Variants in CD247 observed in about 807,000 individuals in gnomAD.
CD247 encodes CD247 molecule.
In CD247, 13 loss-of-function variants were observed where a neutral mutation model predicts 30.0. The observed-to-expected ratio is 0.43, with a 90% confidence interval of 0.28 to 0.69. The LOEUF is 0.69. Ranked by LOEUF, CD247 falls within the 30% of genes least tolerant of loss-of-function variation. The pLI, the probability that CD247 is intolerant of heterozygous loss-of-function variation, is 0.16. For synonymous variants in CD247, 72 were observed against 80.0 expected (o/e 0.90, Z 0.53); for missense variants, 193 against 212.6 (o/e 0.91, Z 0.57).
At position 167,433,437 on chromosome 1, in the gene CD247, C is replaced by T. The variant is rs35719530; in HGVS notation, c.394-378G>A. On this transcript the variant is annotated intron_variant, in intron 6 of 7. Transcript: ENST00000362089. ...GACAACCAGCTGTTTTGAGCAGTTA[C>T]GAGCTCTGGCATAGTCAGTTCAATC... 7.9e-3 allele frequency among the ~76,000 whole-genome samples: 1,207 copies of T among 152,280 alleles called. 18 individuals carry two copies. The highest frequency in any genetic ancestry group is 0.027 in the African/African-American group (1,139 of 41,538).
intron 1 of CD247, among the ~76,000 whole-genome samples, chr1:167,496,022 T>C (rs540130779): frequency 3.9e-5 from 6 of 152,344 alleles, no homozygotes; most frequent in Admixed American, 2.6e-4. Context: ...GTTAGTTCTA[T>C]ATGGGATCTG....
At chr1:167,514,134 T>A (rs1655502576) in intron 1 of CD247, among the ~76,000 whole-genome samples, 1 of 151,574 alleles carries the variant, frequency 6.6e-6, no homozygotes, top group Non-Finnish European at 1.5e-5. Context: ...TCTTATTTTA[T>A]TTTATTTTAT....
chr1:167,481,645 G>T (rs1003521558), intron 1 of CD247, among the ~76,000 whole-genome samples: 2 of 152,128 alleles, frequency 1.3e-5, no homozygotes, highest in South Asian at 2.1e-4. Flanking sequence ...TAAGTTCATC[G>T]CACAATCCAG....
At chr1:167,453,874 G>A (rs35543902) in intron 1 of CD247, among the ~76,000 whole-genome samples, 2,271 of 152,232 alleles carry the variant, frequency 0.015, 31 homozygotes, top group South Asian at 0.028. Flanking sequence ...TTAGGTCGGA[G>A]GATCACCTGA....
chr1:167,506,287 CTT>C (rs765877695), intron 1 of CD247, among the ~76,000 whole-genome samples: 37 of 11,608 alleles, frequency 3.2e-3, no homozygotes, highest in African/African-American at 0.015. Context: ...CTTTTCTTTT[CTT>C]TTTTCTTTTC....
Position 167,431,401 on chromosome 1 carries a change from A to G in CD247, c.*280T>C, listed in dbSNP as rs921931667. On this transcript the variant is annotated 3_prime_UTR_variant, in exon 8 of 8. Transcript: ENST00000362089. Reference sequence around the variant, plus strand: ...GAGGCAGTGCGCCCGCCTCCCAGGGAGAACGAGGAACCGCCAGGAGACAGG... The same window carrying G: ...GAGGCAGTGCGCCCGCCTCCCAGGGGGAACGAGGAACCGCCAGGAGACAGG... 8.3e-6 allele frequency: 5 copies of G among 600,242 alleles called. No homozygotes were observed. In the East Asian group the frequency reaches 1.1e-4, roughly 13 times the overall value. 37.2% of individuals were successfully genotyped at this position (600,242 alleles called of 1,614,324 possible). A position where few individuals can be genotyped will look rare whatever the true frequency, so the allele number is the denominator to read the frequency against.
At chr1:167,438,531 C>CA in intron 4 of CD247, 39 bp downstream of exon 4, 1 of 1,519,700 alleles carries the variant, frequency 6.6e-7, no homozygotes, top group Non-Finnish European at 9.1e-7. Flanking sequence ...AGCCCCACCA[C>CA]ACATGCAGGA....
intron 1 of CD247, among the ~76,000 whole-genome samples, chr1:167,448,182 C>T (rs1475695700): frequency 1.3e-5 from 2 of 152,222 alleles, no homozygotes; most frequent in East Asian, 1.9e-4. Context: ...AGGAACCACA[C>T]GTGTGAGTTT....
At chr1:167,474,391 A>G (rs1348220330) in intron 1 of CD247, among the ~76,000 whole-genome samples, 2 of 152,112 alleles carry the variant, frequency 1.3e-5, no homozygotes, top group Non-Finnish European at 1.5e-5. Flanking sequence ...AGAGGGTGGC[A>G]GAGGCACACT....
chr1:167,438,553 G>A lies in CD247; in HGVS notation c.300+17C>T. On this transcript the variant is annotated intron_variant, in intron 4 of 7. Transcript: ENST00000362089. ...CCACACATGCAGGAACACACAGGAAGGTAGAGGAACCCCTACCGGCTTTCC... is the reference window on the plus strand; with the variant it reads ...CCACACATGCAGGAACACACAGGAAAGTAGAGGAACCCCTACCGGCTTTCC... 6.2e-7 allele frequency: 1 copy of A among 1,605,068 alleles called. No homozygotes were observed. Among genetic ancestry groups the A allele is most frequent in the Non-Finnish European group, 8.5e-7 (1 of 1,171,708 alleles).
intron 1 of CD247, among the ~76,000 whole-genome samples, chr1:167,444,345 C>T (rs1037548222): frequency 1.1e-4 from 17 of 152,344 alleles, no homozygotes; most frequent in African/African-American, 3.8e-4. Flanking sequence ...CTGGCTTCTT[C>T]CCTGTGCGCG....
rs149861641 is a variant in CD247 at position 167,507,902 on chromosome 1, T to C, written c.58+10506A>G. Among the ~76,000 whole-genome samples, 646 of 152,228 alleles carry C rather than the reference T, an allele frequency of 4.2e-3. 3 individuals carry two copies. Among genetic ancestry groups the C allele is most frequent in the Non-Finnish European group, 7.5e-3 (512 of 68,008 alleles). On this transcript the variant is annotated intron_variant, in intron 1 of 7. Transcript: ENST00000362089. ...TTGGCATATAGGAGCCATTTTGTGC[T>C]CTTCAAAATGGCTGACAGGAATTTT...
At chr1:167,449,275 C>T (rs1481277625) in intron 1 of CD247, among the ~76,000 whole-genome samples, 1 of 150,308 alleles carries the variant, frequency 6.7e-6, no homozygotes, top group South Asian at 2.1e-4. Context: ...GCCTCAGCCT[C>T]CCAGGCAGCC....
chr1:167,514,159 T>C (rs1422071520), intron 1 of CD247, among the ~76,000 whole-genome samples: 12 of 152,144 alleles, frequency 7.9e-5, no homozygotes, highest in African/African-American at 2.9e-4. Context: ...TTTTTTGAGA[T>C]GGAATCTTGC....
At chr1:167,490,834 G>T (rs1481180428) in intron 1 of CD247, among the ~76,000 whole-genome samples, 5 of 151,988 alleles carry the variant, frequency 3.3e-5, no homozygotes, top group African/African-American at 1.2e-4. Context: ...AGAATCGTTT[G>T]AACATGGGCA....
At chr1:167,492,460 C>T (rs143687773) in intron 1 of CD247, among the ~76,000 whole-genome samples, 68 of 152,184 alleles carry the variant, frequency 4.5e-4, no homozygotes, top group Admixed American at 1.0e-3. Flanking sequence ...AGGTAGGCAA[C>T]AGTTTGCAAA....
intron 1 of CD247, among the ~76,000 whole-genome samples, chr1:167,518,036 A>T (rs1275007923): frequency 1.3e-5 from 2 of 152,168 alleles, no homozygotes; most frequent in African/African-American, 4.8e-5. Context: ...GCAGCACGAA[A>T]CATGGCCTGG....
intron 1 of CD247, among the ~76,000 whole-genome samples, chr1:167,516,009 C>T (rs1655593098): frequency 6.6e-6 from 1 of 152,246 alleles, no homozygotes; most frequent in African/African-American, 2.4e-5. Context: ...GGTTAAGTAA[C>T]TTGCCTAAGG....
At chr1:167,492,518 AAAC>A (rs1654498552) in intron 1 of CD247, among the ~76,000 whole-genome samples, 1 of 152,232 alleles carries the variant, frequency 6.6e-6, no homozygotes, top group African/African-American at 2.4e-5. Flanking sequence ...GAAAGAAAGA[AAAC>A]AACAGTCTGG....
Sources: allele counts gnomAD v4.1 joint callset (sites outside exome capture counted in the v4.1 genomes callset), GRCh38; gene constraint gnomAD v4.1.1; transcripts MANE v1.5; gene names NCBI Gene and HGNC (gene_info 2026-07-23, HGNC 2026-07-21).